The following ZBTB20 variants were observed in gnomAD, a reference collection of about 807,000 sequenced individuals.
The protein encoded by ZBTB20 is zinc finger and BTB domain containing 20.
ZBTB20 carries 9 observed loss-of-function variants against 56.9 expected under a neutral mutation model. That is an observed-to-expected ratio of 0.16 (90% confidence interval 0.10 to 0.28). The LOEUF is 0.28. Among genes scored for constraint, ZBTB20 ranks in the 10% least tolerant of loss-of-function variants. The pLI, the probability that ZBTB20 is intolerant of heterozygous loss-of-function variation, is 1.00. For synonymous variants in ZBTB20, 417 were observed against 420.7 expected (o/e 0.99, Z 0.11); for missense variants, 655 against 1,003.0 (o/e 0.65, Z 4.69).
At chr3:114,880,819 A>C (rs2076369565) in intron 4 of ZBTB20, among the ~76,000 whole-genome samples, 1 of 152,174 alleles carries the variant, frequency 6.6e-6, no homozygotes, top group African/African-American at 2.4e-5. Context: ...AATCAGAATC[A>C]TAACCTTGCA....
At chr3:115,146,036 A>G (rs567118392) in intron 1 of ZBTB20, among the ~76,000 whole-genome samples, 48 of 152,310 alleles carry the variant, frequency 3.2e-4, no homozygotes, top group African/African-American at 1.1e-3. Context: ...GAAGATTTTC[A>G]CATGTCTAGA....
intron 4 of ZBTB20, among the ~76,000 whole-genome samples, chr3:114,857,321 G>A (rs1542871): frequency 1.3e-5 from 2 of 152,064 alleles, no homozygotes; most frequent in African/African-American, 4.8e-5. Context: ...AAAACTCCTC[G>A]CAATTTTATA....
rs72945759 is a variant in ZBTB20 at position 115,093,844 on chromosome 3, G to C, written c.-702-22430C>G. On this transcript the variant is annotated intron_variant, in intron 1 of 11. Transcript: ENST00000675478. ...ATGATCTTCTTTGGTGGTACCACTG[G>C]AATCTGTCTTGGAGTGCAGAGGGAA... Among the ~76,000 whole-genome samples, 853 of 152,240 alleles carry C rather than the reference G, an allele frequency of 5.6e-3. 12 individuals are homozygous for C. The highest frequency in any genetic ancestry group is 0.02 in the African/African-American group (826 of 41,536).
intron 3 of ZBTB20, among the ~76,000 whole-genome samples, chr3:114,965,913 T>G (rs1255080521): frequency 2.6e-5 from 4 of 152,152 alleles, no homozygotes; most frequent in Admixed American, 2.6e-4. Flanking sequence ...ATTAACCCCT[T>G]ATCAGGTGTA....
At chr3:115,012,638 C>T (rs1204672294) in intron 2 of ZBTB20, among the ~76,000 whole-genome samples, 2 of 151,856 alleles carry the variant, frequency 1.3e-5, no homozygotes, top group Non-Finnish European at 2.9e-5. Context: ...TAACACCCCA[C>T]TTTCAGCATT....
chr3:114,600,392 T>C (rs1171539536), intron 6 of ZBTB20, among the ~76,000 whole-genome samples: 2 of 152,056 alleles, frequency 1.3e-5, no homozygotes, highest in African/African-American at 2.4e-5. Flanking sequence ...TGAAAATTCC[T>C]GAGTGTACTA....
At chr3:114,823,658 G>A (rs1002489622) in intron 4 of ZBTB20, among the ~76,000 whole-genome samples, 7 of 151,984 alleles carry the variant, frequency 4.6e-5, no homozygotes, top group East Asian at 1.9e-4. Context: ...AAAACATAGC[G>A]TGAAAATTTA....
chr3:114,818,224 C>T (rs1285741677), intron 4 of ZBTB20, among the ~76,000 whole-genome samples: 3 of 152,006 alleles, frequency 2.0e-5, no homozygotes, highest in African/African-American at 7.2e-5. Flanking sequence ...AATATAAAAA[C>T]TCATAATTTC....
At chr3:114,993,913 T>G (rs1044194291) in intron 2 of ZBTB20, among the ~76,000 whole-genome samples, 1 of 151,686 alleles carries the variant, frequency 6.6e-6, no homozygotes, top group African/African-American at 2.4e-5. Flanking sequence ...AGAACAAAAA[T>G]TAATAACATG....
At chr3:114,566,221 CTG>C (rs2110329579) in intron 6 of ZBTB20, among the ~76,000 whole-genome samples, 1 of 152,266 alleles carries the variant, frequency 6.6e-6, no homozygotes, top group East Asian at 1.9e-4. Flanking sequence ...CAAAATGCCA[CTG>C]TAATTGAAAC....
chr3:114,428,658 A>G (rs2089897382), intron 7 of ZBTB20, among the ~76,000 whole-genome samples: 1 of 152,224 alleles, frequency 6.6e-6, no homozygotes, highest in Non-Finnish European at 1.5e-5. Flanking sequence ...AGCAAGTACA[A>G]GTCCCCAGCC....
At chr3:114,657,508 A>G (rs2108048790) in intron 6 of ZBTB20, among the ~76,000 whole-genome samples, 1 of 152,318 alleles carries the variant, frequency 6.6e-6, no homozygotes, top group Admixed American at 6.5e-5. Flanking sequence ...TATCAGCCAG[A>G]ATGTTAGGGT....
intron 5 of ZBTB20, among the ~76,000 whole-genome samples, chr3:114,742,891 A>G (rs2066722783): frequency 6.6e-6 from 1 of 152,124 alleles, no homozygotes; most frequent in Non-Finnish European, 1.5e-5. Context: ...GGTAAAGAAG[A>G]ATTGTTGGGT....
At chr3:114,597,364 C>T (rs1189198740) in intron 6 of ZBTB20, among the ~76,000 whole-genome samples, 5 of 152,082 alleles carry the variant, frequency 3.3e-5, no homozygotes, top group Non-Finnish European at 7.4e-5. Context: ...ATAACTAGAA[C>T]GACCAAGTAT....
At chr3:114,488,952 T>C (rs898200326) in intron 7 of ZBTB20, among the ~76,000 whole-genome samples, 1 of 151,868 alleles carries the variant, frequency 6.6e-6, no homozygotes, top group Non-Finnish European at 1.5e-5. Flanking sequence ...AAGAATAGAA[T>C]ACAAAACAGC....
chr3:115,070,729 G>A (rs1337001565), intron 2 of ZBTB20, among the ~76,000 whole-genome samples: 3 of 151,686 alleles, frequency 2.0e-5, no homozygotes, highest in Non-Finnish European at 4.4e-5. Flanking sequence ...AAAACTAAGA[G>A]CACAAAATTC....
chr3:114,809,094 T>C (rs1336913767), intron 4 of ZBTB20, among the ~76,000 whole-genome samples: 1 of 152,058 alleles, frequency 6.6e-6, no homozygotes, highest in Admixed American at 6.5e-5. Context: ...TTTTTTTTCT[T>C]GTTACTGTCA....
At chr3:114,657,050 A>C (rs996454765) in intron 6 of ZBTB20, among the ~76,000 whole-genome samples, 1 of 152,244 alleles carries the variant, frequency 6.6e-6, no homozygotes, top group Non-Finnish European at 1.5e-5. Context: ...GACTTTAAAA[A>C]AAAATTACAT....
At chr3:114,788,159 T>G (rs1250759408) in intron 5 of ZBTB20, among the ~76,000 whole-genome samples, 5 of 152,186 alleles carry the variant, frequency 3.3e-5, no homozygotes, top group Non-Finnish European at 5.9e-5. Context: ...TCACTGATAT[T>G]TTTAAAGAGT....
Sources: gnomAD v4.1 joint callset for allele counts (sites outside exome capture counted in the v4.1 genomes callset) on GRCh38, gnomAD v4.1.1 for gene constraint, MANE v1.5 for transcripts, NCBI Gene and HGNC (gene_info 2026-07-23, HGNC 2026-07-21) for gene names.